PODXL2: variants seen among roughly 807,000 people sequenced by gnomAD.
PODXL2 encodes the protein podocalyxin like 2.
A neutral mutation model predicts 53.4 loss-of-function variants in PODXL2; 17 were observed. The ratio of observed to expected loss-of-function variants is 0.32; its 90% CI spans 0.22 to 0.48. PODXL2 has a LOEUF of 0.48. Among genes scored for constraint, PODXL2 ranks in the 20% least tolerant of loss-of-function variants. The pLI is 0.99. For synonymous variants in PODXL2, 311 were observed against 306.7 expected, an observed-to-expected ratio of 1.01 and a Z score of -0.15; for missense variants, 673 against 760.0, an observed-to-expected ratio of 0.89 and a Z score of 1.35.
intron 2 of PODXL2, among the ~76,000 whole-genome samples, chr3:127,644,594 C>T (rs1313384527): frequency 6.6e-6 from 1 of 152,228 alleles, no homozygotes; most frequent in Non-Finnish European, 1.5e-5. Context: ...CTCCCCCCTC[C>T]CCAGGGGATT....
At position 127,649,199 on chromosome 3, in the gene PODXL2, A is replaced by G. The variant is rs971379700; in HGVS notation, c.349+9676A>G. Among the ~76,000 whole-genome samples the G allele has an allele frequency of 2.6e-5, 4 of 152,220 alleles. No individual in the cohort carries two copies. The East Asian group carries it at 7.7e-4, about 29-fold the overall frequency. On this transcript the variant is annotated intron_variant, in intron 2 of 7. Transcript: ENST00000342480. ...GTATACACATCTTGCTGTTTCACTT[A>G]GAAACCTCTTTCCAAGCCAGCACAC...
intron 7 of PODXL2, among the ~76,000 whole-genome samples, chr3:127,672,027 GTCT>G (rs1269790332): frequency 6.6e-6 from 1 of 152,274 alleles, no homozygotes; most frequent in Non-Finnish European, 1.5e-5. Flanking sequence ...CGCAAGTGGA[GTCT>G]TCTTAGGGGG....
chr3:127,652,914 GC>G (rs1332909310), intron 2 of PODXL2, among the ~76,000 whole-genome samples: 2 of 152,072 alleles, frequency 1.3e-5, no homozygotes, highest in Non-Finnish European at 2.9e-5. Flanking sequence ...TCAAGGACTT[GC>G]CCTGGGTCAC....
rs1484523269 is a variant in PODXL2 at position 127,663,218 on chromosome 3, C to T, written c.1206+907C>T. 3.3e-5 allele frequency among the ~76,000 whole-genome samples: 5 copies of T among 152,328 alleles called. No individual in the cohort carries two copies. The East Asian group carries it at 7.7e-4, about 23-fold the overall frequency. ...TTCGACCAGCTCATATTTTTAGTAG[C>T]ATTTTCATCCCCTCTTCCAAAGGTA... On this transcript the variant is annotated intron_variant, in intron 4 of 7. Transcript: ENST00000342480.
intron 2 of PODXL2, among the ~76,000 whole-genome samples, chr3:127,648,993 T>C (rs2074673113): frequency 6.6e-6 from 1 of 152,026 alleles, no homozygotes; most frequent in South Asian, 2.1e-4. Flanking sequence ...GGTTTTGTCA[T>C]GTTGGCCAGG....
Position 127,635,962 on chromosome 3 carries a change from C to T in PODXL2, c.71-3283C>T, listed in dbSNP as rs140808172. ...TAGGACACTGAGCTGATCTGGCTCT[C>T]TTCTGCATGGGCTCCTGTTTTCCTG... On this transcript the variant is annotated intron_variant, in intron 1 of 7. Transcript: ENST00000342480. Among the ~76,000 whole-genome samples, 210 of 152,352 alleles carry T rather than the reference C, an allele frequency of 1.4e-3. 1 individual carries two copies. The highest frequency in any genetic ancestry group is 4.7e-3 in the African/African-American group (197 of 41,586).
At chr3:127,639,188 A>G in intron 1 of PODXL2, 57 bp from the exon 2 acceptor site, 1 of 1,495,508 alleles carries the variant, frequency 6.7e-7, no homozygotes, top group Non-Finnish European at 9.0e-7. Flanking sequence ...CTAACCTGGC[A>G]CCAGTCTTGT....
chr3:127,655,258 T>G (rs2074715084), intron 2 of PODXL2, among the ~76,000 whole-genome samples: 2 of 151,998 alleles, frequency 1.3e-5, no homozygotes, highest in South Asian at 4.2e-4. Context: ...ATACAAAAAT[T>G]AGCTGGGCTT....
chr3:127,660,268 C>A, intron 2 of PODXL2, 110 bp from the exon 3 acceptor site: 1 of 1,415,746 alleles, frequency 7.1e-7, no homozygotes, highest in Non-Finnish European at 9.6e-7. Flanking sequence ...GACCTGATGA[C>A]CCCTGCCCTG....
chr3:127,649,487 A>C (rs141266607), intron 2 of PODXL2, among the ~76,000 whole-genome samples: 36 of 152,348 alleles, frequency 2.4e-4, no homozygotes, highest in African/African-American at 8.2e-4. Flanking sequence ...CTCTCCAGAA[A>C]TGTGGCCTGC....
intron 4 of PODXL2, among the ~76,000 whole-genome samples, chr3:127,667,516 C>G (rs557590094): frequency 3.9e-5 from 6 of 152,266 alleles, no homozygotes; most frequent in Admixed American, 3.9e-4. Context: ...TGAGGAGTGG[C>G]CACAGGGCCA....
chr3:127,650,839 T>G (rs537367115), intron 2 of PODXL2, among the ~76,000 whole-genome samples: 4 of 152,152 alleles, frequency 2.6e-5, no homozygotes, highest in Non-Finnish European at 5.9e-5. Context: ...TTTTGTATTT[T>G]TAGTAGAGAC....
rs762439367 is a variant in PODXL2, at chr3:127,671,631, T to G, written c.1605+18T>G. The G allele has an allele frequency of 1.2e-6, 2 of 1,608,952 alleles. No homozygotes were observed. The highest frequency in any genetic ancestry group is 2.2e-5 in the South Asian group (2 of 91,036). On this transcript the variant is annotated intron_variant, in intron 7 of 7. Coordinates refer to ENST00000342480, the MANE Select transcript of PODXL2 (RefSeq NM_015720.4). ...AGCACGTGGTGAGTGTGGGGACAGG[T>G]GGGGCTGGGGGCCAGTTGAGAGGAG...
chr3:127,657,134 C>T (rs1369776217), intron 2 of PODXL2, among the ~76,000 whole-genome samples: 1 of 152,142 alleles, frequency 6.6e-6, no homozygotes, highest in Non-Finnish European at 1.5e-5. Flanking sequence ...ATCATGCTGC[C>T]GACAGCGTGA....
chr3:127,650,141 A>T (rs554895753), intron 2 of PODXL2, among the ~76,000 whole-genome samples: 1 of 152,324 alleles, frequency 6.6e-6, no homozygotes, highest in African/African-American at 2.4e-5. Flanking sequence ...TCTGGCCCTT[A>T]TGCCTGTTTT....
chr3:127,672,700 C>T lies in PODXL2; in HGVS notation c.*220C>T, dbSNP rs968927936. 10 of 442,804 alleles carry T rather than the reference C, an allele frequency of 2.3e-5. No individual in the cohort carries two copies. Among genetic ancestry groups the T allele is most frequent in the African/African-American group, 1.4e-4 (7 of 48,294 alleles). 27.4% of individuals were successfully genotyped at this position (442,804 alleles called of 1,614,324 possible). A position where few individuals can be genotyped will look rare whatever the true frequency, so the allele number is the denominator to read the frequency against. ...GGCAGGCCTCAAAGCCCGCCTTGGC[C>T]CCGCTTTCCCGCCCCTGAACCCCGG... On this transcript the variant is annotated 3_prime_UTR_variant, in exon 8 of 8. Transcript: ENST00000342480.
intron 2 of PODXL2, among the ~76,000 whole-genome samples, chr3:127,646,688 A>G (rs1206492653): frequency 2.6e-5 from 4 of 152,186 alleles, no homozygotes; most frequent in Admixed American, 6.5e-5. Context: ...GCCTGGCTCC[A>G]TAGAATTTTG....
chr3:127,629,330 G>T lies in PODXL2; in HGVS notation c.70+41G>T. 3 of 1,010,262 alleles carry T rather than the reference G, an allele frequency of 3.0e-6. No homozygotes were observed. The highest frequency in any genetic ancestry group is 9.4e-5 in the East Asian group (1 of 10,650). The allele number at this position is 1,010,262 out of a possible 1,614,324, so 62.6% of individuals were successfully genotyped here. A position where few individuals can be genotyped will look rare whatever the true frequency, so the allele number is the denominator to read the frequency against. ...GCCCGAGCGCGGGAGGGCGGGCGGCGGCGTGGGCGCGGTGCTGGACAGCTC... is the reference window on the plus strand; with the variant it reads ...GCCCGAGCGCGGGAGGGCGGGCGGCTGCGTGGGCGCGGTGCTGGACAGCTC... On this transcript the variant is annotated intron_variant, in intron 1 of 7. Coordinates refer to ENST00000342480, the MANE Select transcript of PODXL2 (RefSeq NM_015720.4). The surrounding 1 kb of genome is among the most constrained non-coding windows in gnomAD (Gnocchi z 6.4).
intron 2 of PODXL2, among the ~76,000 whole-genome samples, chr3:127,646,237 G>A (rs143622454): frequency 6.6e-4 from 101 of 152,282 alleles, no homozygotes; most frequent in African/African-American, 2.3e-3. Flanking sequence ...TTACAGCCCA[G>A]CAAGTAAATG....
Sources: gnomAD v4.1 joint callset for allele counts (sites outside exome capture counted in the v4.1 genomes callset) on GRCh38, gnomAD v4.1.1 for gene constraint, Gnocchi (gnomAD v3.1) non-coding constraint, MANE v1.5 for transcripts, NCBI Gene and HGNC (gene_info 2026-07-23, HGNC 2026-07-21) for gene names.